The following PLIN3 variants were observed in gnomAD, a reference collection of about 807,000 sequenced individuals.
PLIN3 encodes perilipin 3.
PLIN3 carries 30 observed loss-of-function variants against 35.9 expected under a neutral mutation model. The observed-to-expected ratio is 0.84, with a 90% confidence interval of 0.62 to 1.13. The LOEUF (loss-of-function observed/expected upper bound fraction) is 1.13. PLIN3 is among the 50% of genes most tolerant of loss of function. PLIN3 has a pLI of 0.00. For missense variants in PLIN3, 603 were observed against 596.9 expected (o/e 1.01, Z -0.11); for synonymous variants, 261 against 262.5 (o/e 0.99, Z 0.06).
chr19:4,839,231 G>A lies in PLIN3; in HGVS notation c.1266C>T (p.Ala422=). Residue 422 remains alanine, a synonymous_variant, in exon 8 of 8, where the codon GCC becomes GCT. Coordinates refer to ENST00000221957, the MANE Select transcript of PLIN3 (RefSeq NM_005817.5). ...TPVTWLVGPF[A]PGITEKAPEE... is the part of the protein sequence containing the mutation. ...CCGGGGCTTTCTCAGTGATTCCAGG[G>A]GCAAAGGGTCCCACGAGCCACGTGA... The A allele has an allele frequency of 6.2e-7, 1 of 1,610,524 alleles. No individual in the cohort carries two copies. The highest frequency in any genetic ancestry group is 8.5e-7 in the Non-Finnish European group (1 of 1,177,264).
intron 7 of PLIN3, among the ~76,000 whole-genome samples, chr19:4,842,015 G>A (rs2029908323): frequency 6.6e-6 from 1 of 151,828 alleles, no homozygotes; most frequent in Non-Finnish European, 1.5e-5. Flanking sequence ...TAAACCATCC[G>A]GGGAGAACAT....
chr19:4,858,057 G>A (rs542958361), intron 4 of PLIN3, among the ~76,000 whole-genome samples: 12 of 151,606 alleles, frequency 7.9e-5, no homozygotes, highest in African/African-American at 1.5e-4. Flanking sequence ...GGAGGATCAC[G>A]AGGTCAAGAG....
chr19:4,852,632 C>A (rs1230932042), intron 4 of PLIN3, among the ~76,000 whole-genome samples: 1 of 151,992 alleles, frequency 6.6e-6, no homozygotes, highest in Non-Finnish European at 1.5e-5. Context: ...CCCTGTACCT[C>A]ATTTCTTTCT....
At chr19:4,865,730 GT>G (rs35687506) in intron 1 of PLIN3, among the ~76,000 whole-genome samples, 145 of 131,398 alleles carry the variant, frequency 1.1e-3, no homozygotes, top group African/African-American at 3.8e-3. Flanking sequence ...TTTTTTTTTT[GT>G]TTTTTTTTTT....
In PLIN3 at chr19:4,844,763, T is replaced by G. The variant is rs780983132; in HGVS notation, c.865A>C (p.Lys289Gln). 2.5e-6 allele frequency: 4 copies of G among 1,602,526 alleles called. No homozygotes were observed. The highest frequency in any genetic ancestry group is 3.4e-6 in the Non-Finnish European group (4 of 1,174,846). The part of the protein sequence containing the change: ...METVKQGVDQ[K>Q]LVEGQEKLHQ... ...AGCTTCTCCTGGCCTTCCACCAGCT[T>G]CTGATCAACGCCTTGCTTGACAGTT... Residue 289 changes from lysine to glutamine, a missense_variant, in exon 7 of 8, where the codon AAG becomes CAG. Physicochemically the swap from Lys to Gln is moderately conservative, Grantham distance 53. Coordinates refer to ENST00000221957, the MANE Select transcript of PLIN3 (RefSeq NM_005817.5).
intron 1 of PLIN3, among the ~76,000 whole-genome samples, chr19:4,866,347 C>G (rs1836724784): frequency 6.6e-6 from 1 of 152,126 alleles, no homozygotes; most frequent in Non-Finnish European, 1.5e-5. Context: ...AGCTTGGCAA[C>G]TCACTAGGAA....
At chr19:4,844,210 T>A (rs1357827602) in intron 7 of PLIN3, among the ~76,000 whole-genome samples, 1 of 152,046 alleles carries the variant, frequency 6.6e-6, no homozygotes, top group Non-Finnish European at 1.5e-5. Context: ...ACGCTTGTAA[T>A]CCCAACACTT....
chr19:4,847,040 C>A (rs1306214742), intron 6 of PLIN3, among the ~76,000 whole-genome samples: 1 of 151,914 alleles, frequency 6.6e-6, no homozygotes, highest in African/African-American at 2.4e-5. Flanking sequence ...CAGGTGCCTG[C>A]CATTGTACCT....
chr19:4,840,561 A>T (rs1441210541), intron 7 of PLIN3, among the ~76,000 whole-genome samples: 1 of 152,146 alleles, frequency 6.6e-6, no homozygotes, highest in Non-Finnish European at 1.5e-5. Context: ...CCACTAGTCA[A>T]ATTCTTTAAA....
intron 7 of PLIN3, among the ~76,000 whole-genome samples, chr19:4,842,826 G>A (rs955786306): frequency 2.0e-5 from 3 of 151,998 alleles, no homozygotes; most frequent in African/African-American, 4.8e-5. Context: ...TCTGCCTCCC[G>A]AACAATTTGC....
At chr19:4,850,444 G>A (rs1225298856) in intron 5 of PLIN3, among the ~76,000 whole-genome samples, 6 of 151,024 alleles carry the variant, frequency 4.0e-5, no homozygotes, top group South Asian at 2.1e-4. Flanking sequence ...TTTTTGAGAC[G>A]GCGTCTAGCT....
chr19:4,860,058 G>C (rs776108318), intron 2 of PLIN3, 34 bp from the exon 3 acceptor site: 33 of 1,594,026 alleles, frequency 2.1e-5, no homozygotes, highest in Non-Finnish European at 2.8e-5. Context: ...CAAACTGGGT[G>C]GGGGAAGATG....
chr19:4,849,622 T>G (rs1020561479), intron 5 of PLIN3, among the ~76,000 whole-genome samples: 1 of 151,922 alleles, frequency 6.6e-6, no homozygotes, highest in Non-Finnish European at 1.5e-5. Flanking sequence ...GGTTCATATG[T>G]GTATATGCAT....
rs145849513 is a variant in PLIN3 at position 4,839,422 on chromosome 19, C to G, written c.1075G>C (p.Val359Leu). 3 of 1,606,532 alleles carry G rather than the reference C, an allele frequency of 1.9e-6. No homozygotes were observed. The highest frequency in any genetic ancestry group is 2.6e-6 in the Non-Finnish European group (3 of 1,174,328). The change falls in exon 8 of 8, where the codon GTG becomes CTG. Residue 359 changes from valine (V) to leucine (L), a missense_variant. Transcript: ENST00000221957. ...QGLPTNVKDQ[V>L]QQARRQVEDL... ...TCCACCTGGCGGCGGGCCTGCTGCA[C>G]CTGGTCCTTCACATTGGTGGGGAGG...
At chr19:4,857,457 A>G (rs1054041337) in intron 4 of PLIN3, among the ~76,000 whole-genome samples, 1 of 151,852 alleles carries the variant, frequency 6.6e-6, no homozygotes, top group Non-Finnish European at 1.5e-5. Flanking sequence ...GGTCCCAGCT[A>G]CTTGGGAAGC....
intron 4 of PLIN3, among the ~76,000 whole-genome samples, chr19:4,853,208 A>C (rs1287536701): frequency 6.6e-6 from 1 of 151,410 alleles, no homozygotes; most frequent in Non-Finnish European, 1.5e-5. Flanking sequence ...ATCTCGGCTC[A>C]CTACAAACTC....
chr19:4,864,241 C>T (rs930218940), intron 1 of PLIN3, among the ~76,000 whole-genome samples: 36 of 151,632 alleles, frequency 2.4e-4, no homozygotes, highest in Non-Finnish European at 4.3e-4. Flanking sequence ...TAACCTCCGC[C>T]TTCTGGGTTC....
In PLIN3 at chr19:4,852,201, G is replaced by C. The variant is rs140054846; in HGVS notation, c.449C>G (p.Ala150Gly). Reference protein sequence around the residue: ...KDTVATQLSEAVDATRGAVQS... With the variant: ...KDTVATQLSEGVDATRGAVQS... ...CACAGCACCGCGGGTCGCGTCCACC[G>C]CCTCCGACAATTGGGTGGCCACCGT... The change falls in exon 5 of 8, where the codon GCG becomes GGG. Residue 150 changes from alanine (A) to glycine (G), a missense_variant. Transcript: ENST00000221957. 1 of 1,612,584 alleles carries C rather than the reference G, an allele frequency of 6.2e-7. No homozygotes were observed. Among genetic ancestry groups the C allele is most frequent in the Non-Finnish European group, 8.5e-7 (1 of 1,180,004 alleles).
chr19:4,867,329 T>G (rs768627006), intron 1 of PLIN3, among the ~76,000 whole-genome samples: 30 of 152,202 alleles, frequency 2.0e-4, no homozygotes, highest in Non-Finnish European at 3.1e-4. Context: ...GGGCGGTATT[T>G]AGCCCACCCC....
Sources: allele counts gnomAD v4.1 joint callset (sites outside exome capture counted in the v4.1 genomes callset), GRCh38; gene constraint gnomAD v4.1.1; transcripts MANE v1.5; gene names NCBI Gene and HGNC (gene_info 2026-07-23, HGNC 2026-07-21).